TRMT2B: variants seen among roughly 807,000 people sequenced by gnomAD.
TRMT2B encodes tRNA (uracil-5-)-methyltransferase homolog B.
Under a neutral mutation model 39.7 loss-of-function variants are expected in TRMT2B, and 34 were observed. The ratio of observed to expected loss-of-function variants is 0.86; its 90% CI spans 0.65 to 1.14. The LOEUF (loss-of-function observed/expected upper bound fraction) is 1.14, where lower values mean the gene tolerates loss of function less well. Among genes scored for constraint, TRMT2B ranks in the 50% most tolerant of loss-of-function variants. The pLI, the probability that TRMT2B is intolerant of heterozygous loss-of-function variation, is 0.00. For synonymous variants in TRMT2B, 132 were observed against 137.3 expected (o/e 0.96, Z 0.27); for missense variants, 318 against 377.2 (o/e 0.84, Z 1.30).
At chrX:101,050,449 G>A (rs1472798165) in intron 2 of TRMT2B, among the ~76,000 whole-genome samples, 1 of 112,748 alleles carries the variant, frequency 8.9e-6, no homozygotes, top group Non-Finnish European at 1.9e-5. Flanking sequence ...TTGGGGCCAG[G>A]TGCGGTGGCT....
intron 13 of TRMT2B, among the ~76,000 whole-genome samples, chrX:101,012,261 G>A (rs2086285154): frequency 9.1e-6 from 1 of 110,195 alleles, no homozygotes; most frequent in African/African-American, 3.3e-5. Context: ...GTGCTGAAAT[G>A]TTACAACAGC....
the TRMT2B span, chrX:100,974,060 ACT>A: frequency 1.0e-5 from 9 of 881,051 alleles, no homozygotes; most frequent in Non-Finnish European, 1.5e-5. Flanking sequence ...GAAGAGTATA[ACT>A]CTCTGTTTAG....
At chrX:100,991,616 C>T in the TRMT2B span, among the ~76,000 whole-genome samples, 37 of 111,648 alleles carry the variant, frequency 3.3e-4, no homozygotes, top group Admixed American at 2.4e-3. Context: ...CCTCGTGATC[C>T]GCCCGCCTCG....
chrX:101,021,228 C>T lies in TRMT2B; in HGVS notation c.939G>A (p.Lys313=). Residue 313 remains lysine, a synonymous_variant, in exon 10 of 14, where the codon AAG becomes AAA. Coordinates refer to ENST00000372936, the MANE Select transcript of TRMT2B (RefSeq NM_024917.6). ...PYIFEELLSL[K]IRISPDAFFQ... ...AAAAGGCATCTGGAGAGATGCGGAT[C>T]TTCAAGCTCAGAAGTTCTTCAAAGA... 8.3e-7 allele frequency: 1 copy of T among 1,211,580 alleles called. No homozygotes were observed. Among genetic ancestry groups the T allele is most frequent in the Non-Finnish European group, 1.1e-6 (1 of 895,216 alleles).
the TRMT2B span, among the ~76,000 whole-genome samples, chrX:101,000,946 T>G: frequency 9.0e-6 from 1 of 111,723 alleles, no homozygotes; most frequent in Non-Finnish European, 1.9e-5. Flanking sequence ...TAAATTTGAA[T>G]GCACACCAGA....
intron 2 of TRMT2B, among the ~76,000 whole-genome samples, chrX:101,045,972 C>G (rs2148074316): frequency 9.3e-6 from 1 of 107,398 alleles, no homozygotes; most frequent in South Asian, 4.1e-4. Context: ...ATGGTGAAAC[C>G]CCGCCTCTAC....
At chrX:101,045,455 G>GAA (rs112091401) in intron 2 of TRMT2B, among the ~76,000 whole-genome samples, 3 of 71,166 alleles carry the variant, frequency 4.2e-5, no homozygotes, top group Non-Finnish European at 2.6e-5. Context: ...ACTTCATCTC[G>GAA]AAAAAAAAAA....
Position 101,042,265 on chromosome X carries a change from G to A in TRMT2B, c.25C>T (p.Pro9Ser), listed in dbSNP as rs749483632. The change falls in exon 3 of 14, where the codon CCA (proline) becomes TCA (serine). Residue 9 changes from proline to serine, a missense_variant. Coordinates refer to ENST00000372936, the MANE Select transcript of TRMT2B (RefSeq NM_024917.6). The stretch of plus-strand genomic sequence containing the variant: ...ATGAAGTATCTGAGGCTGTGCAGTG[G>A]GACTCTTCTCTTAAGGCCTGCCATC... MAGLKRRV[P>S]LHSLRYFISM... is the part of the protein sequence containing the mutation. 2 of 1,210,909 alleles carry A rather than the reference G, an allele frequency of 1.7e-6. No homozygotes were observed. The highest frequency in any genetic ancestry group is 1.1e-6 in the Non-Finnish European group (1 of 894,868).
At chrX:100,974,366 G>GTC in the TRMT2B span, among the ~76,000 whole-genome samples, 41 of 103,563 alleles carry the variant, frequency 4.0e-4, no homozygotes, top group Middle Eastern at 5.0e-3. Context: ...ATCTCTCTCT[G>GTC]TCTCTCTCTC....
At chrX:101,045,050 G>A (rs1215516937) in intron 2 of TRMT2B, among the ~76,000 whole-genome samples, 2 of 105,403 alleles carry the variant, frequency 1.9e-5, no homozygotes, top group Non-Finnish European at 3.9e-5. Context: ...AGGGGGGGGT[G>A]GGGTGCTCAT....
chrX:101,049,032 A>C, intron 2 of TRMT2B, among the ~76,000 whole-genome samples: 1 of 112,051 alleles, frequency 8.9e-6, no homozygotes. Context: ...AAAACTGACA[A>C]GATGTAACAA....
chrX:101,034,618 A>G (rs1398631573), intron 7 of TRMT2B, among the ~76,000 whole-genome samples: 2 of 112,078 alleles, frequency 1.8e-5, no homozygotes, highest in Non-Finnish European at 3.8e-5. Flanking sequence ...TTTAAATTTT[A>G]AAAAATCTGT....
At chrX:101,012,483 CCACAACA>C (rs1430657551) in intron 13 of TRMT2B, among the ~76,000 whole-genome samples, 1 of 96,995 alleles carries the variant, frequency 1.0e-5, no homozygotes, top group African/African-American at 3.8e-5. Context: ...TCCCCCCAAC[CCACAACA>C]GTCCCCAGAG....
Position 101,051,667 on chromosome X carries a change from C to A in TRMT2B, c.-440G>T, listed in dbSNP as rs1362747138. 23 of 753,894 alleles carry A rather than the reference C, an allele frequency of 3.1e-5. No homozygotes were observed. Among genetic ancestry groups the A allele is most frequent in the Non-Finnish European group, 3.1e-5 (20 of 639,489 alleles). 62.1% of individuals were successfully genotyped at this position (753,894 alleles called of 1,213,427 possible). A position where few individuals can be genotyped will look rare whatever the true frequency, so the allele number is the denominator to read the frequency against. On this transcript the variant is annotated 5_prime_UTR_variant, in exon 2 of 14. Transcript: ENST00000372936. ...ACCTTGCGCAGTCACCGTCGGGTCCCGTCTCCAGCCCCGCCTGCCTCCTCC... is the reference window on the plus strand; with the variant it reads ...ACCTTGCGCAGTCACCGTCGGGTCCAGTCTCCAGCCCCGCCTGCCTCCTCC...
the TRMT2B span, among the ~76,000 whole-genome samples, chrX:100,995,229 A>G: frequency 9.0e-6 from 1 of 111,582 alleles, no homozygotes; most frequent in Admixed American, 9.6e-5. Context: ...CAACTTTCCA[A>G]TACTGAAACC....
chrX:101,032,637 G>A lies in TRMT2B; in HGVS notation c.609+2976C>T, dbSNP rs571639640. Among the ~76,000 whole-genome samples the A allele has an allele frequency of 7.5e-5, 8 of 107,173 alleles. No homozygotes were observed. The South Asian group carries it at 2.1e-3, about 28-fold the overall frequency. 93.1% of individuals were successfully genotyped at this position (107,173 alleles called of 115,157 possible). A position where few individuals can be genotyped will look rare whatever the true frequency, so the allele number is the denominator to read the frequency against. Reference sequence around the variant, plus strand: ...AAAATATAAAAAAAATTAGCTGGGCGTGGTGGCTGGTGCCTGTAATCCCAG... The same window carrying A: ...AAAATATAAAAAAAATTAGCTGGGCATGGTGGCTGGTGCCTGTAATCCCAG... On this transcript the variant is annotated intron_variant, in intron 7 of 13. Coordinates refer to ENST00000372936, the MANE Select transcript of TRMT2B (RefSeq NM_024917.6).
intron 4 of TRMT2B, among the ~76,000 whole-genome samples, chrX:101,039,905 A>AAAAAG (rs756389715): frequency 5.3e-4 from 58 of 110,216 alleles, no homozygotes; most frequent in Non-Finnish European, 9.5e-4. Context: ...TCTAAAAAAA[A>AAAAAG]AAAAGAAAAG....
chrX:101,026,163 T>C (rs1416306741), intron 7 of TRMT2B, among the ~76,000 whole-genome samples: 1 of 110,915 alleles, frequency 9.0e-6, no homozygotes, highest in Non-Finnish European at 1.9e-5. Flanking sequence ...GAAATGCTTT[T>C]TGGAAGCAAG....
intron 7 of TRMT2B, among the ~76,000 whole-genome samples, chrX:101,033,449 G>T (rs1024091680): frequency 9.2e-6 from 1 of 108,320 alleles, no homozygotes; most frequent in Non-Finnish European, 1.9e-5. Flanking sequence ...ACAAAAATGG[G>T]CCAGGCGTGG....
Sources: gnomAD v4.1 joint callset for allele counts (sites outside exome capture counted in the v4.1 genomes callset) on GRCh38, gnomAD v4.1.1 for gene constraint, MANE v1.5 for transcripts, NCBI Gene and HGNC (gene_info 2026-07-23, HGNC 2026-07-21) for gene names.